Variants in PDE1A observed in about 807,000 individuals in gnomAD.
PDE1A encodes phosphodiesterase 1A.
PDE1A carries 35 observed loss-of-function variants against 61.7 expected under a neutral mutation model. The ratio of observed to expected loss-of-function variants is 0.57; its 90% CI spans 0.43 to 0.75. PDE1A has a LOEUF of 0.75. Among genes scored for constraint, PDE1A ranks in the 30% least tolerant of loss-of-function variants. PDE1A has a pLI of 0.00. For synonymous variants in PDE1A, 232 were observed against 213.2 expected (o/e 1.09, Z -0.77); for missense variants, 597 against 630.6 (o/e 0.95, Z 0.57).
the PDE1A span, among the ~76,000 whole-genome samples, chr2:182,585,400 T>TA: frequency 6.6e-6 from 1 of 152,212 alleles, no homozygotes; most frequent in African/African-American, 2.4e-5. Context: ...AATTCACATA[T>TA]AAAAATTTGT....
At chr2:182,178,344 T>C (rs921956342) in intron 13 of PDE1A, among the ~76,000 whole-genome samples, 1 of 152,176 alleles carries the variant, frequency 6.6e-6, no homozygotes, top group African/African-American at 2.4e-5. Context: ...AAAAGGGGTA[T>C]GAAGGTGCCA....
intron 2 of PDE1A, among the ~76,000 whole-genome samples, chr2:182,477,276 G>T (rs1687427272): frequency 6.6e-6 from 1 of 151,900 alleles, no homozygotes; most frequent in African/African-American, 2.4e-5. Context: ...AATGTAGTCT[G>T]GTTAGCATGT....
At chr2:182,643,985 G>A in the PDE1A span, among the ~76,000 whole-genome samples, 1 of 151,990 alleles carries the variant, frequency 6.6e-6, no homozygotes, top group East Asian at 1.9e-4. Context: ...ATACATAAAT[G>A]CTGATGATTA....
At chr2:182,555,542 C>T in the PDE1A span, among the ~76,000 whole-genome samples, 3 of 152,292 alleles carry the variant, frequency 2.0e-5, no homozygotes, top group East Asian at 3.9e-4. Flanking sequence ...ACCCTTTCTT[C>T]ACATTTAAGA....
chr2:182,381,471 T>C (rs904108817), intron 1 of PDE1A, among the ~76,000 whole-genome samples: 7 of 152,192 alleles, frequency 4.6e-5, no homozygotes, highest in Non-Finnish European at 4.4e-5. Context: ...CTTTGTTGAA[T>C]GTATCAGTGT....
intron 4 of PDE1A, among the ~76,000 whole-genome samples, chr2:182,231,477 T>C (rs1315573967): frequency 6.6e-6 from 1 of 152,328 alleles, no homozygotes; most frequent in South Asian, 2.1e-4. Flanking sequence ...AGGGTAGAAT[T>C]GCTAGTTACA....
intron 3 of PDE1A, among the ~76,000 whole-genome samples, chr2:182,235,801 T>C (rs1396908149): frequency 3.9e-5 from 6 of 152,226 alleles, no homozygotes; most frequent in African/African-American, 1.4e-4. Context: ...ATATGGTCGA[T>C]GTAAGAAATG....
chr2:182,541,344 T>C, the PDE1A span, among the ~76,000 whole-genome samples: 1 of 152,214 alleles, frequency 6.6e-6, no homozygotes, highest in Non-Finnish European at 1.5e-5. Flanking sequence ...TCCAGTTTCT[T>C]CATCTATAAA....
At chr2:182,574,179 C>T in the PDE1A span, among the ~76,000 whole-genome samples, 2 of 151,858 alleles carry the variant, frequency 1.3e-5, no homozygotes, top group East Asian at 3.9e-4. Context: ...CCAGTCTCTC[C>T]TTTTCATGTT....
intron 1 of PDE1A, among the ~76,000 whole-genome samples, chr2:182,341,980 G>T (rs1698215625): frequency 6.6e-6 from 1 of 152,030 alleles, no homozygotes; most frequent in African/African-American, 2.4e-5. Flanking sequence ...TGTTGCCCAG[G>T]CTGATCTGGA....
chr2:182,342,393 C>G (rs1698243409), intron 1 of PDE1A, among the ~76,000 whole-genome samples: 2 of 152,042 alleles, frequency 1.3e-5, no homozygotes, highest in Admixed American at 6.6e-5. Context: ...AAAACATCAC[C>G]TAAACATAGG....
At chr2:182,303,381 G>A (rs571285962) in intron 1 of PDE1A, among the ~76,000 whole-genome samples, 4 of 152,302 alleles carry the variant, frequency 2.6e-5, no homozygotes, top group East Asian at 1.9e-4. Flanking sequence ...GAGTGACTAG[G>A]TGCATTGTCA....
At chr2:182,184,514 C>T (rs147960557) in intron 13 of PDE1A, among the ~76,000 whole-genome samples, 1 of 152,236 alleles carries the variant, frequency 6.6e-6, no homozygotes, top group East Asian at 1.9e-4. Flanking sequence ...AAGATACAGA[C>T]ATTCCCAGAT....
chr2:182,542,855 A>G, the PDE1A span, among the ~76,000 whole-genome samples: 1 of 152,338 alleles, frequency 6.6e-6, no homozygotes, highest in Middle Eastern at 3.4e-3. Context: ...CTTAGGGGGA[A>G]ATCACGTTAA....
intron 1 of PDE1A, among the ~76,000 whole-genome samples, chr2:182,282,059 T>A (rs939626836): frequency 6.6e-6 from 1 of 151,982 alleles, no homozygotes; most frequent in African/African-American, 2.4e-5. Context: ...ACAGACAGAA[T>A]GATGACAGTT....
chr2:182,625,417 C>G, the PDE1A span, among the ~76,000 whole-genome samples: 1 of 152,182 alleles, frequency 6.6e-6, no homozygotes, highest in Non-Finnish European at 1.5e-5. Flanking sequence ...TTAACTTTTT[C>G]TGACTATTTC....
the PDE1A span, among the ~76,000 whole-genome samples, chr2:182,639,427 G>A: frequency 6.6e-6 from 1 of 152,124 alleles, no homozygotes; most frequent in Non-Finnish European, 1.5e-5. Context: ...AATTAGCTGG[G>A]CAGGGTGGCA....
the PDE1A span, among the ~76,000 whole-genome samples, chr2:182,606,753 G>A: frequency 6.6e-6 from 1 of 152,178 alleles, no homozygotes; most frequent in African/African-American, 2.4e-5. Context: ...TCCAAATAGA[G>A]TGGAAAAGGA....
the PDE1A span, among the ~76,000 whole-genome samples, chr2:182,534,154 T>C: frequency 6.6e-6 from 1 of 152,034 alleles, no homozygotes; most frequent in Non-Finnish European, 1.5e-5. Flanking sequence ...CCTTTTAAAA[T>C]TGTATTATGC....
Sources: gnomAD v4.1 joint callset for allele counts (sites outside exome capture counted in the v4.1 genomes callset) on GRCh38, gnomAD v4.1.1 for gene constraint, MANE v1.5 for transcripts, NCBI Gene and HGNC (gene_info 2026-07-23, HGNC 2026-07-21) for gene names.